The following DGKB variants were observed in gnomAD, a reference collection of about 807,000 sequenced individuals.
DGKB encodes the protein 90 kDa diacylglycerol kinase.
In DGKB, 67 loss-of-function variants were observed where a neutral mutation model predicts 114.3. The observed-to-expected ratio is 0.59, with a 90% CI of 0.48 to 0.72. The LOEUF (loss-of-function observed/expected upper bound fraction) is 0.72, where lower values mean the gene tolerates loss of function less well. Among genes scored for constraint, DGKB ranks in the 30% least tolerant of loss-of-function variants. The pLI, the probability that DGKB is intolerant of heterozygous loss-of-function variation, is 0.00. For synonymous variants in DGKB, 398 were observed against 323.1 expected (o/e 1.23, Z -2.49); for missense variants, 907 against 975.2 (o/e 0.93, Z 0.93).
chr7:14,321,168 G>C lies in DGKB; in HGVS notation c.2122+17347C>G, dbSNP rs146070374. ...TAGCCAGACATGATGGCACATGCCA[G>C]TGGTCCCAGCCGCTTGGGAAGCTGA... On this transcript the variant is annotated intron_variant, in intron 23 of 25. Transcript: ENST00000402815. 5.6e-3 allele frequency among the ~76,000 whole-genome samples: 847 copies of C among 152,210 alleles called. 10 individuals are homozygous for C. Among genetic ancestry groups the C allele is most frequent in the African/African-American group, 0.019 (809 of 41,536 alleles).
intron 16 of DGKB, among the ~76,000 whole-genome samples, chr7:14,607,757 G>A (rs1260758009): frequency 6.6e-6 from 1 of 151,790 alleles, no homozygotes. Context: ...AATATTGCTT[G>A]GATCCTTAAT....
rs1250365290 is a variant in DGKB at position 14,411,649 on chromosome 7, G to A, written c.1836-66258C>T. Among the ~76,000 whole-genome samples, 2 of 10,616 alleles carry A rather than the reference G, an allele frequency of 1.9e-4. 1 individual carries two copies. The highest frequency in any genetic ancestry group is 3.9e-4 in the African/African-American group (2 of 5,108). The allele number at this position is 10,616 out of a possible 152,430, so 7.0% of individuals were successfully genotyped here. On this transcript the variant is annotated intron_variant, in intron 21 of 25. Coordinates refer to ENST00000402815, the MANE Select transcript of DGKB (RefSeq NM_001350709.2). ...AGGATCATAACAACCATCTTTCAAGGTGGCTGTAAGATAAACAGTATAATA... is the reference window on the plus strand; with the variant it reads ...AGGATCATAACAACCATCTTTCAAGATGGCTGTAAGATAAACAGTATAATA...
chr7:14,595,638 A>G (rs898807842), intron 17 of DGKB, among the ~76,000 whole-genome samples: 46 of 151,372 alleles, frequency 3.0e-4, no homozygotes, highest in African/African-American at 1.1e-3. Flanking sequence ...ATAATAAAAA[A>G]TCACATTAGA....
chr7:14,222,164 CTT>C (rs1346026433), intron 23 of DGKB, among the ~76,000 whole-genome samples: 4 of 150,582 alleles, frequency 2.7e-5, no homozygotes, highest in African/African-American at 4.9e-5. Flanking sequence ...CTGCCTTAAT[CTT>C]TGTTTTTTCC....
intron 20 of DGKB, among the ~76,000 whole-genome samples, chr7:14,515,674 A>G (rs1563374264): frequency 6.6e-6 from 1 of 152,188 alleles, no homozygotes; most frequent in Non-Finnish European, 1.5e-5. Context: ...GTAATCTGAC[A>G]AACTCAACCT....
chr7:14,894,386 G>T (rs1200219551), intron 1 of DGKB, among the ~76,000 whole-genome samples: 1 of 151,356 alleles, frequency 6.6e-6, no homozygotes. Context: ...TGATCAGGAT[G>T]CTCCATGGTG....
At chr7:14,796,143 A>G (rs1841376669) in intron 2 of DGKB, among the ~76,000 whole-genome samples, 1 of 152,176 alleles carries the variant, frequency 6.6e-6, no homozygotes, top group Admixed American at 6.5e-5. Flanking sequence ...GATGGGTGCA[A>G]TTCCCAGAAT....
chr7:14,948,899 G>C (rs1328153088), intron 1 of DGKB, among the ~76,000 whole-genome samples: 4 of 151,460 alleles, frequency 2.6e-5, no homozygotes, highest in Non-Finnish European at 3.0e-5. Context: ...TAAAGAAATA[G>C]AAATATGCCA....
At chr7:14,644,664 A>C (rs1256558453) in intron 13 of DGKB, among the ~76,000 whole-genome samples, 1 of 152,202 alleles carries the variant, frequency 6.6e-6, no homozygotes, top group Non-Finnish European at 1.5e-5. Flanking sequence ...AAAAGAGAAA[A>C]AGAATTTTTA....
intron 21 of DGKB, among the ~76,000 whole-genome samples, chr7:14,366,647 C>G (rs1816723576): frequency 1.3e-5 from 2 of 152,046 alleles, no homozygotes; most frequent in African/African-American, 4.8e-5. Context: ...AATTATTGCA[C>G]CTGAAGCCAA....
intron 14 of DGKB, among the ~76,000 whole-genome samples, chr7:14,627,374 T>C (rs943776647): frequency 5.9e-5 from 9 of 152,102 alleles, no homozygotes; most frequent in African/African-American, 2.2e-4. Flanking sequence ...GATCCATAAG[T>C]CCCGGTTTTC....
intron 2 of DGKB, among the ~76,000 whole-genome samples, chr7:14,804,595 T>C (rs74471077): frequency 0.011 from 1,668 of 152,144 alleles, 31 homozygotes; most frequent in African/African-American, 0.038. Flanking sequence ...AAATAATCTT[T>C]CAAATATCAA....
At chr7:14,264,623 G>A (rs553430020) in intron 23 of DGKB, among the ~76,000 whole-genome samples, 1 of 152,276 alleles carries the variant, frequency 6.6e-6, no homozygotes, top group Admixed American at 6.5e-5. Context: ...TAAGAAGTCT[G>A]GCTGTTCTAC....
chr7:14,969,764 G>A (rs1023162227), intron 1 of DGKB, among the ~76,000 whole-genome samples: 1 of 152,120 alleles, frequency 6.6e-6, no homozygotes, highest in African/African-American at 2.4e-5. Flanking sequence ...TCTACTACAC[G>A]ACTAAGCTAA....
At chr7:14,283,154 C>G (rs1191708497) in intron 23 of DGKB, among the ~76,000 whole-genome samples, 2 of 151,744 alleles carry the variant, frequency 1.3e-5, no homozygotes, top group African/African-American at 2.4e-5. Flanking sequence ...TGATAAGCAA[C>G]TTCAGCAAAG....
chr7:14,218,991 T>G (rs1789480540), intron 23 of DGKB, among the ~76,000 whole-genome samples: 2 of 151,990 alleles, frequency 1.3e-5, no homozygotes, highest in South Asian at 4.1e-4. Flanking sequence ...ATTTTCCTAT[T>G]CTGAATATTT....
chr7:14,357,610 T>C (rs1046650821), intron 21 of DGKB, among the ~76,000 whole-genome samples: 30 of 152,198 alleles, frequency 2.0e-4, no homozygotes, highest in African/African-American at 6.3e-4. Flanking sequence ...AAGGTTAATA[T>C]TGTTATGTGT....
chr7:14,348,831 G>A (rs889623104), intron 21 of DGKB, among the ~76,000 whole-genome samples: 1 of 151,766 alleles, frequency 6.6e-6, no homozygotes, highest in African/African-American at 2.4e-5. Flanking sequence ...TAGAAGGCAA[G>A]CAGAGAAGGA....
intron 4 of DGKB, among the ~76,000 whole-genome samples, chr7:14,741,833 A>G (rs937855581): frequency 2.0e-5 from 3 of 152,196 alleles, no homozygotes; most frequent in Non-Finnish European, 1.5e-5. Context: ...TGGCATGGCT[A>G]AAGTTGGGTA....
Sources: gnomAD v4.1 joint callset for allele counts (sites outside exome capture counted in the v4.1 genomes callset) on GRCh38, gnomAD v4.1.1 for gene constraint, MANE v1.5 for transcripts, NCBI Gene and HGNC (gene_info 2026-07-23, HGNC 2026-07-21) for gene names.